WDR26: variants seen among roughly 807,000 people sequenced by gnomAD.
WDR26 encodes the protein WD repeat-containing protein 26.
In WDR26, 5 loss-of-function variants were observed where a neutral mutation model predicts 84.1. The observed-to-expected ratio is 0.06, with a 90% CI of 0.03 to 0.13. The LOEUF (loss-of-function observed/expected upper bound fraction) is 0.13, where lower values mean the gene tolerates loss of function less well. WDR26 is among the 10% of genes least tolerant of loss of function. The pLI, the probability that WDR26 is intolerant of heterozygous loss-of-function variation, is 1.00. For synonymous variants in WDR26, 415 were observed against 389.6 expected, an observed-to-expected ratio of 1.07 and a Z score of -0.77; for missense variants, 642 against 974.9, an observed-to-expected ratio of 0.66 and a Z score of 4.55.
chr1:224,392,396 A>ACAT (rs1269366909), intron 13 of WDR26, among the ~76,000 whole-genome samples: 1 of 152,118 alleles, frequency 6.6e-6, no homozygotes, highest in East Asian at 1.9e-4. Flanking sequence ...CTTCTGGAGT[A>ACAT]AATCTGTTAC....
chr1:224,407,151 A>AAAAAAGAATATATAT, intron 7 of WDR26, among the ~76,000 whole-genome samples: 8 of 11,876 alleles, frequency 6.7e-4, no homozygotes, highest in East Asian at 2.1e-3. Flanking sequence ...AAAAAAAAAA[A>AAAAAAGAATATATAT]ATATATATAT....
chr1:224,392,197 T>C (rs901611853), intron 13 of WDR26, among the ~76,000 whole-genome samples: 1 of 151,984 alleles, frequency 6.6e-6, no homozygotes, highest in African/African-American at 2.4e-5. Flanking sequence ...CCGTCTCTAC[T>C]AAAAATACAA....
At position 224,433,830 on chromosome 1, in the gene WDR26, G is replaced by GACGGTGGCTGAGGAT. The variant is rs1674495329; in HGVS notation, c.561_575dup (p.Ser188_Val192dup). 6.5e-7 allele frequency: 1 copy of GACGGTGGCTGAGGAT among 1,536,814 alleles called. No homozygotes were observed. Among genetic ancestry groups the GACGGTGGCTGAGGAT allele is most frequent in the Non-Finnish European group, 8.7e-7 (1 of 1,146,764 alleles). ...CGGCGGTGGTGGCGGAGGCAGCTGC[G>GACGGTGGCTGAGGAT]ACGGTGGCTGAGGATGCGGCGGCCG... is the stretch of plus-strand genomic sequence containing the variant. On this transcript the variant is annotated inframe_insertion, in exon 1 of 14. Transcript: ENST00000414423.
At chr1:224,401,686 A>AG in intron 8 of WDR26, among the ~76,000 whole-genome samples, 1 of 114,290 alleles carries the variant, frequency 8.7e-6, no homozygotes, top group African/African-American at 3.6e-5. Flanking sequence ...AAAAAAAAAA[A>AG]AAAGAAAAAA....
At chr1:224,417,244 A>C (rs1299155907) in intron 6 of WDR26, among the ~76,000 whole-genome samples, 4 of 152,142 alleles carry the variant, frequency 2.6e-5, no homozygotes, top group Non-Finnish European at 4.4e-5. Context: ...TTTTGTCCTT[A>C]TTTATGTTAC....
chr1:224,407,148 AAAAATATATATATATATATATAT>A (rs1558426038), intron 7 of WDR26, among the ~76,000 whole-genome samples: 1 of 66,788 alleles, frequency 1.5e-5, no homozygotes, highest in African/African-American at 5.4e-5. Context: ...AAAAAAAAAA[AAAAATATATATATATATATATAT>A]AACTCAAAAA....
At chr1:224,390,562 T>G (rs1404333368) in intron 13 of WDR26, among the ~76,000 whole-genome samples, 1 of 152,232 alleles carries the variant, frequency 6.6e-6, no homozygotes, top group Non-Finnish European at 1.5e-5. Flanking sequence ...AGTTGTTAAT[T>G]TTCCTTTTGG....
At position 224,399,701 on chromosome 1, in the gene WDR26, A is replaced by G. The variant is rs142736620; in HGVS notation, c.1720-667T>C. On this transcript the variant is annotated intron_variant, in intron 9 of 13. Transcript: ENST00000414423. Reference sequence around the variant, plus strand: ...AGGGAATTAAGAACAATTCATAACCATATTGAGATAATATAACACCAAAAT... The same window carrying G: ...AGGGAATTAAGAACAATTCATAACCGTATTGAGATAATATAACACCAAAAT... Among the ~76,000 whole-genome samples the G allele has an allele frequency of 3.1e-3, 471 of 152,354 alleles. 1 individual carries two copies. The highest frequency in any genetic ancestry group is 0.01 in the African/African-American group (436 of 41,580).
intron 3 of WDR26, 116 bp downstream of exon 3, chr1:224,431,361 A>T: frequency 7.3e-6 from 6 of 817,236 alleles, no homozygotes; most frequent in Non-Finnish European, 9.8e-6. Flanking sequence ...TTTACAAATT[A>T]TATGAAATTT....
At chr1:224,407,151 A>AAAAATAT in intron 7 of WDR26, among the ~76,000 whole-genome samples, 1 of 11,868 alleles carries the variant, frequency 8.4e-5, no homozygotes, top group Non-Finnish European at 1.4e-4. Context: ...AAAAAAAAAA[A>AAAAATAT]ATATATATAT....
chr1:224,434,771 T>C lies in WDR26; in HGVS notation c.-366A>G. The stretch of plus-strand genomic sequence containing the variant: ...CGCTCCGCTCTGCTCCCTGGTGTGT[T>C]GATTCTTCCCCCAGCTGCTGCCTAA... On this transcript the variant is annotated 5_prime_UTR_variant, in exon 1 of 14. Coordinates refer to ENST00000414423, the MANE Select transcript of WDR26 (RefSeq NM_001379403.1). 2 of 986,334 alleles carry C rather than the reference T, an allele frequency of 2.0e-6. No homozygotes were observed. Among genetic ancestry groups the C allele is most frequent in the Non-Finnish European group, 2.4e-6 (2 of 830,240 alleles). The allele number at this position is 986,334 out of a possible 1,614,324, so 61.1% of individuals were successfully genotyped here.
At chr1:224,432,935 G>A (rs545657137) in intron 1 of WDR26, among the ~76,000 whole-genome samples, 39 of 152,250 alleles carry the variant, frequency 2.6e-4, no homozygotes, top group African/African-American at 7.0e-4. Flanking sequence ...GGTATACAAG[G>A]CCACCTAAAT....
chr1:224,434,058 G>T lies in WDR26; in HGVS notation c.348C>A (p.Gly116=). 1 of 1,429,560 alleles carries T rather than the reference G, an allele frequency of 7.0e-7. No individual in the cohort carries two copies. Among genetic ancestry groups the T allele is most frequent in the South Asian group, 1.4e-5 (1 of 69,032 alleles). 88.6% of individuals were successfully genotyped at this position (1,429,560 alleles called of 1,614,324 possible). The change falls in exon 1 of 14, where the codon GGC becomes GGA. Residue 116 remains glycine (G), a synonymous_variant. Transcript: ENST00000414423. ...CCCCGCCGCCCCCTCCTCCTCCACC[G>T]CCGCCGCCGCCACCTCCTCCTCCTC...
intron 7 of WDR26, among the ~76,000 whole-genome samples, chr1:224,406,859 T>C (rs1170771152): frequency 6.6e-6 from 1 of 151,824 alleles, no homozygotes; most frequent in Non-Finnish European, 1.5e-5. Context: ...TGGTGGCTCA[T>C]GCCTGTAATC....
intron 7 of WDR26, among the ~76,000 whole-genome samples, chr1:224,410,440 C>T (rs377058268): frequency 6.6e-6 from 1 of 152,026 alleles, no homozygotes; most frequent in Admixed American, 6.6e-5. Flanking sequence ...AATGAAAATA[C>T]TTATTACCCA....
At chr1:224,406,508 A>G (rs1423742301) in intron 7 of WDR26, among the ~76,000 whole-genome samples, 1 of 152,190 alleles carries the variant, frequency 6.6e-6, no homozygotes, top group East Asian at 1.9e-4. Context: ...GTCATTGCAA[A>G]ATGGATTATG....
At chr1:224,391,066 A>G (rs1244713551) in intron 13 of WDR26, among the ~76,000 whole-genome samples, 1 of 151,686 alleles carries the variant, frequency 6.6e-6, no homozygotes, top group Non-Finnish European at 1.5e-5. Flanking sequence ...ACTTCCTTCT[A>G]TTCCATTTTA....
rs1345590469 is a variant in WDR26, at chr1:224,424,498, C to T, written c.1064+20G>A. The T allele has an allele frequency of 1.2e-6, 2 of 1,612,844 alleles. No individual in the cohort carries two copies. The highest frequency in any genetic ancestry group is 1.1e-5 in the South Asian group (1 of 90,696). Reference sequence around the variant, plus strand: ...CTTTGGCCCTCCATTAACCTGAGTTCAAGAACTCAGTTTCCTTACCCACTA... The same window carrying T: ...CTTTGGCCCTCCATTAACCTGAGTTTAAGAACTCAGTTTCCTTACCCACTA... On this transcript the variant is annotated intron_variant, in intron 4 of 13. Transcript: ENST00000414423.
intron 3 of WDR26, among the ~76,000 whole-genome samples, chr1:224,426,726 G>A (rs1201086455): frequency 4.7e-5 from 7 of 150,532 alleles, no homozygotes; most frequent in Non-Finnish European, 1.0e-4. Context: ...CTGGATATTC[G>A]CACCATTTTA....
Sources: allele counts gnomAD v4.1 joint callset (sites outside exome capture counted in the v4.1 genomes callset), GRCh38; gene constraint gnomAD v4.1.1; transcripts MANE v1.5; gene names NCBI Gene and HGNC (gene_info 2026-07-23, HGNC 2026-07-21).